MACROD2: variants seen among roughly 807,000 people sequenced by gnomAD.
MACROD2 encodes the protein mono-ADP ribosylhydrolase 2, also known as ADP-ribose glycohydrolase MACROD2.
Under a neutral mutation model 70.4 loss-of-function variants are expected in MACROD2, and 36 were observed. That is an observed-to-expected ratio of 0.51 (90% confidence interval 0.39 to 0.68). The LOEUF (loss-of-function observed/expected upper bound fraction) is 0.68. Ranked by LOEUF, MACROD2 falls within the 30% of genes least tolerant of loss-of-function variation. The probability of loss-of-function intolerance (pLI) is 0.00; values close to 1 mark genes in which losing one functional copy is unlikely to be tolerated. For synonymous variants in MACROD2, 172 were observed against 178.8 expected, an observed-to-expected ratio of 0.96 and a Z score of 0.30; for missense variants, 496 against 538.4, an observed-to-expected ratio of 0.92 and a Z score of 0.78.
intron 5 of MACROD2, chr20:15,197,132 A>G (rs1326884981): frequency 4.3e-6 from 2 of 465,750 alleles, no homozygotes; most frequent in Non-Finnish European, 2.8e-6. Context: ...TGTTCCCCAT[A>G]TATGAGTGAC....
At chr20:15,199,244 T>C (rs2076634251) in intron 5 of MACROD2, among the ~76,000 whole-genome samples, 1 of 152,042 alleles carries the variant, frequency 6.6e-6, no homozygotes, top group Non-Finnish European at 1.5e-5. Flanking sequence ...TAGTCCCAGC[T>C]ACTTGGGGGA....
chr20:15,788,737 A>G, intron 8 of MACROD2, among the ~76,000 whole-genome samples: 1 of 152,346 alleles, frequency 6.6e-6, no homozygotes, highest in Non-Finnish European at 1.5e-5. Context: ...GTCATTATTC[A>G]GGAAATGTGA....
At chr20:14,088,319 A>G (rs1218022095) in intron 3 of MACROD2, among the ~76,000 whole-genome samples, 1 of 103,102 alleles carries the variant, frequency 9.7e-6, no homozygotes, top group Non-Finnish European at 1.8e-5. Flanking sequence ...TCAGAGCGAG[A>G]CTCCATCTAA....
rs192184868 is a variant in MACROD2 at position 15,978,634 on chromosome 20, A to G, written c.986-8093A>G. ...TCTCTCTCGTTCTTTCTCTCAGCTA[A>G]CCTTACAACTTTGAGTGGCAATGGG... On this transcript the variant is annotated intron_variant, in intron 13 of 17. Transcript: ENST00000684519. Among the ~76,000 whole-genome samples, 6 of 149,692 alleles carry G rather than the reference A, an allele frequency of 4.0e-5. No individual in the cohort carries two copies. The East Asian group carries it at 1.2e-3, about 29-fold the overall frequency.
intron 13 of MACROD2, among the ~76,000 whole-genome samples, chr20:15,979,147 T>A (rs1326491282): frequency 6.6e-6 from 1 of 152,174 alleles, no homozygotes. Context: ...TGAGGGGTTA[T>A]ATAAGTCAGC....
At chr20:15,479,536 G>A (rs925364800) in intron 7 of MACROD2, among the ~76,000 whole-genome samples, 1 of 151,988 alleles carries the variant, frequency 6.6e-6, no homozygotes, top group Non-Finnish European at 1.5e-5. Flanking sequence ...GCCTCCCAAA[G>A]TGCTGGGATT....
At chr20:15,725,908 T>C (rs1438043971) in intron 8 of MACROD2, among the ~76,000 whole-genome samples, 5 of 152,192 alleles carry the variant, frequency 3.3e-5, no homozygotes, top group Non-Finnish European at 7.4e-5. Context: ...TATAGGTAAA[T>C]TGTGTAAATT....
chr20:15,206,726 T>TTTTTTTTTTTTTTTTTTG (rs2076708856), intron 5 of MACROD2, among the ~76,000 whole-genome samples: 1 of 61,674 alleles, frequency 1.6e-5, no homozygotes, highest in Non-Finnish European at 3.1e-5. Context: ...TCTATGTTTT[T>TTTTTTTTTTTTTTTTTTG]TTTTTTTTTT....
At chr20:14,909,788 A>G (rs1457064483) in intron 5 of MACROD2, among the ~76,000 whole-genome samples, 1 of 152,036 alleles carries the variant, frequency 6.6e-6, no homozygotes, top group Admixed American at 6.6e-5. Flanking sequence ...ATAGAAGTAC[A>G]TTTTATGTTT....
At chr20:15,799,037 G>T (rs2063700455) in intron 8 of MACROD2, among the ~76,000 whole-genome samples, 1 of 152,156 alleles carries the variant, frequency 6.6e-6, no homozygotes, top group African/African-American at 2.4e-5. Flanking sequence ...TTTCTTTTGT[G>T]TGTAAGAGTA....
intron 4 of MACROD2, among the ~76,000 whole-genome samples, chr20:14,612,073 T>C (rs918902420): frequency 6.6e-6 from 1 of 152,128 alleles, no homozygotes; most frequent in Non-Finnish European, 1.5e-5. Flanking sequence ...CATTTAAAAA[T>C]ACTGGGCTCT....
intron 8 of MACROD2, among the ~76,000 whole-genome samples, chr20:15,540,693 A>T (rs1338684944): frequency 1.3e-5 from 2 of 152,174 alleles, no homozygotes; most frequent in Non-Finnish European, 2.9e-5. Flanking sequence ...ACAGTACTGG[A>T]GGCTGGCAGT....
chr20:15,549,517 T>C (rs1034414377), intron 8 of MACROD2, among the ~76,000 whole-genome samples: 5 of 152,236 alleles, frequency 3.3e-5, no homozygotes, highest in African/African-American at 1.2e-4. Context: ...TGTATACATC[T>C]CTTGATGACT....
At chr20:15,317,672 C>G (rs1336375272) in intron 6 of MACROD2, among the ~76,000 whole-genome samples, 2 of 151,776 alleles carry the variant, frequency 1.3e-5, no homozygotes, top group Non-Finnish European at 2.9e-5. Context: ...AGGCTTCAGA[C>G]TCAAAAACAA....
intron 4 of MACROD2, among the ~76,000 whole-genome samples, chr20:14,624,936 G>A (rs1331850537): frequency 6.6e-6 from 1 of 152,188 alleles, no homozygotes; most frequent in Non-Finnish European, 1.5e-5. Context: ...AAGGTCAGAG[G>A]TTTGCACATT....
intron 3 of MACROD2, among the ~76,000 whole-genome samples, chr20:14,311,220 G>A (rs1360023242): frequency 6.6e-6 from 1 of 152,090 alleles, no homozygotes; most frequent in Non-Finnish European, 1.5e-5. Flanking sequence ...CCCGATACAG[G>A]TGTACCATTT....
chr20:14,629,317 T>G (rs892401253), intron 4 of MACROD2, among the ~76,000 whole-genome samples: 2 of 152,250 alleles, frequency 1.3e-5, no homozygotes, highest in African/African-American at 4.8e-5. Flanking sequence ...CTCCATTAAA[T>G]AAATCAGATT....
At chr20:15,239,916 G>T (rs1388909672) in intron 6 of MACROD2, among the ~76,000 whole-genome samples, 1 of 152,172 alleles carries the variant, frequency 6.6e-6, no homozygotes, top group Non-Finnish European at 1.5e-5. Flanking sequence ...GAACAAGGGA[G>T]CATGGCAGAT....
chr20:14,183,059 CCT>C, intron 3 of MACROD2, among the ~76,000 whole-genome samples: 1 of 145,504 alleles, frequency 6.9e-6, no homozygotes, highest in East Asian at 2.1e-4. Context: ...ACCTATGTAA[CCT>C]ATTTGTTACA....
Sources: gnomAD v4.1 joint callset for allele counts (sites outside exome capture counted in the v4.1 genomes callset) on GRCh38, gnomAD v4.1.1 for gene constraint, MANE v1.5 for transcripts, NCBI Gene and HGNC (gene_info 2026-07-23, HGNC 2026-07-21) for gene names.